The following BTBD9 variants were observed in gnomAD, a reference collection of about 807,000 sequenced individuals.
BTBD9 encodes BTB/POZ domain-containing protein 9.
Under a neutral mutation model 64.3 loss-of-function variants are expected in BTBD9, and 49 were observed. That is an observed-to-expected ratio of 0.76 (90% CI 0.61 to 0.97). The LOEUF (loss-of-function observed/expected upper bound fraction) is 0.97, where lower values mean the gene tolerates loss of function less well. Among genes scored for constraint, BTBD9 ranks in the 50% least tolerant of loss-of-function variants. The probability of loss-of-function intolerance (pLI) is 0.00; values close to 1 mark genes in which losing one functional copy is unlikely to be tolerated. For synonymous variants in BTBD9, 260 were observed against 274.7 expected (o/e 0.95, Z 0.53); for missense variants, 598 against 762.1 (o/e 0.78, Z 2.53).
chr6:38,445,786 C>T (rs1325796456), intron 6 of BTBD9, among the ~76,000 whole-genome samples: 2 of 152,098 alleles, frequency 1.3e-5, no homozygotes, highest in African/African-American at 4.8e-5. Flanking sequence ...TTCCAGAAGA[C>T]ATTTGTATTG....
Position 38,198,409 on chromosome 6 carries a change from G to C in BTBD9, c.1563-5812C>G, listed in dbSNP as rs145946562. On this transcript the variant is annotated intron_variant, in intron 9 of 10. Transcript: ENST00000481247. ...GTACGGTCGCCATCAGCAAGGGAGG[G>C]TTTGCGTGAGTGGCTCTGGATGATA... Among the ~76,000 whole-genome samples the C allele has an allele frequency of 7.2e-5, 11 of 152,276 alleles. 1 individual carries two copies. The East Asian group carries it at 2.1e-3, about 29-fold the overall frequency.
At chr6:38,444,207 C>T (rs77469421) in intron 6 of BTBD9, among the ~76,000 whole-genome samples, 21 of 152,292 alleles carry the variant, frequency 1.4e-4, no homozygotes, top group Non-Finnish European at 2.8e-4. Flanking sequence ...TTGTGCTTTC[C>T]TTCAATGACT....
intron 6 of BTBD9, among the ~76,000 whole-genome samples, chr6:38,501,082 T>G (rs1310320144): frequency 6.6e-6 from 1 of 152,262 alleles, no homozygotes; most frequent in Non-Finnish European, 1.5e-5. Context: ...AGTTGCTTTT[T>G]GTTCACTTTC....
At chr6:38,305,302 A>G (rs1028860927) in intron 7 of BTBD9, among the ~76,000 whole-genome samples, 3 of 152,200 alleles carry the variant, frequency 2.0e-5, no homozygotes, top group Non-Finnish European at 2.9e-5. Flanking sequence ...TCTAAGCACT[A>G]CCCACACCTT....
intron 7 of BTBD9, among the ~76,000 whole-genome samples, chr6:38,299,380 G>T (rs967220787): frequency 1.3e-5 from 2 of 152,210 alleles, no homozygotes; most frequent in African/African-American, 2.4e-5. Flanking sequence ...CCAGTAATGG[G>T]ATTGCTGGGT....
intron 6 of BTBD9, among the ~76,000 whole-genome samples, chr6:38,495,517 C>T (rs916974378): frequency 3.9e-5 from 6 of 152,056 alleles, no homozygotes; most frequent in African/African-American, 1.2e-4. Context: ...ATTAGAAGAC[C>T]CAAAGATGGT....
intron 9 of BTBD9, among the ~76,000 whole-genome samples, chr6:38,218,643 A>G (rs1763092613): frequency 6.6e-6 from 1 of 152,120 alleles, no homozygotes; most frequent in Non-Finnish European, 1.5e-5. Flanking sequence ...CCTGGTCTGG[A>G]ATGTCTACCA....
chr6:38,466,295 T>C (rs1008182297), intron 6 of BTBD9, among the ~76,000 whole-genome samples: 5 of 139,592 alleles, frequency 3.6e-5, no homozygotes, highest in Admixed American at 7.1e-5. Context: ...TTTTTTTTTT[T>C]TTTTTTTTTT....
At chr6:38,322,719 G>A (rs1277584221) in intron 7 of BTBD9, among the ~76,000 whole-genome samples, 1 of 152,170 alleles carries the variant, frequency 6.6e-6, no homozygotes, top group Non-Finnish European at 1.5e-5. Flanking sequence ...TCAAAAGCAG[G>A]CAGTTAATTG....
intron 6 of BTBD9, among the ~76,000 whole-genome samples, chr6:38,419,864 C>T (rs972587334): frequency 6.6e-6 from 1 of 152,006 alleles, no homozygotes; most frequent in African/African-American, 2.4e-5. Flanking sequence ...GAGCGAAACT[C>T]CATCTCAAAC....
chr6:38,337,689 A>C (rs553422556), intron 7 of BTBD9, among the ~76,000 whole-genome samples: 2 of 152,258 alleles, frequency 1.3e-5, no homozygotes, highest in Non-Finnish European at 2.9e-5. Context: ...TTTGAATCAG[A>C]TGGTAAGTTT....
intron 6 of BTBD9, among the ~76,000 whole-genome samples, chr6:38,564,662 G>T (rs1237450728): frequency 1.3e-5 from 2 of 152,126 alleles, no homozygotes; most frequent in African/African-American, 4.8e-5. Context: ...GCCAAGGTGG[G>T]CGAATCATTA....
intron 6 of BTBD9, among the ~76,000 whole-genome samples, chr6:38,574,084 T>C (rs1022517075): frequency 2.0e-5 from 3 of 152,192 alleles, no homozygotes; most frequent in South Asian, 2.1e-4. Flanking sequence ...AGAGGATAAC[T>C]GGTCTAAGCT....
chr6:38,208,585 C>A (rs139293036), intron 9 of BTBD9, among the ~76,000 whole-genome samples: 105 of 152,224 alleles, frequency 6.9e-4, no homozygotes, highest in African/African-American at 2.3e-3. Context: ...CAAAATCAGC[C>A]CGGATCCTGT....
intron 1 of BTBD9, among the ~76,000 whole-genome samples, chr6:38,630,387 G>A (rs1198928690): frequency 6.6e-6 from 1 of 152,158 alleles, no homozygotes; most frequent in Non-Finnish European, 1.5e-5. Flanking sequence ...CTATAGGTTA[G>A]CTACAACGAT....
Position 38,189,070 on chromosome 6 carries a change from C to G in BTBD9, c.1641+3449G>C, listed in dbSNP as rs115089627. ...GGACAGACAGAGGAAACCCTGCATC[C>G]TCTGCCCTCCAGGCCACGCTCCATA... On this transcript the variant is annotated intron_variant, in intron 10 of 10. Coordinates refer to ENST00000481247, the MANE Select transcript of BTBD9 (RefSeq NM_001099272.2). 4.9e-3 allele frequency among the ~76,000 whole-genome samples: 746 copies of G among 152,328 alleles called. 8 individuals carry two copies. Among genetic ancestry groups the G allele is most frequent in the African/African-American group, 0.015 (613 of 41,578 alleles).
At chr6:38,366,600 C>T (rs1324687548) in intron 6 of BTBD9, among the ~76,000 whole-genome samples, 5 of 152,126 alleles carry the variant, frequency 3.3e-5, no homozygotes. Context: ...TGAATTAAGG[C>T]CAAAAGACAC....
chr6:38,382,680 A>G (rs1765988445), intron 6 of BTBD9, among the ~76,000 whole-genome samples: 1 of 152,120 alleles, frequency 6.6e-6, no homozygotes, highest in Non-Finnish European at 1.5e-5. Flanking sequence ...AGAAAGATGG[A>G]TTGATAAAAG....
chr6:38,541,521 G>A (rs891057923), intron 6 of BTBD9, among the ~76,000 whole-genome samples: 28 of 152,228 alleles, frequency 1.8e-4, no homozygotes, highest in African/African-American at 6.5e-4. Context: ...GGCGGATCAC[G>A]AGGTCAGGAG....
Sources: gnomAD v4.1 joint callset for allele counts (sites outside exome capture counted in the v4.1 genomes callset) on GRCh38, gnomAD v4.1.1 for gene constraint, MANE v1.5 for transcripts, NCBI Gene and HGNC (gene_info 2026-07-23, HGNC 2026-07-21) for gene names.